ACSL1: variants seen among roughly 807,000 people sequenced by gnomAD.
The protein encoded by ACSL1 is long-chain-fatty-acid--CoA ligase 1.
A neutral mutation model predicts 98.4 loss-of-function variants in ACSL1; 41 were observed. That is an observed-to-expected ratio of 0.42 (90% CI 0.32 to 0.54). The LOEUF (loss-of-function observed/expected upper bound fraction) is 0.54. Ranked by LOEUF, ACSL1 falls within the 20% of genes least tolerant of loss-of-function variation. The pLI is 0.13. For synonymous variants in ACSL1, 316 were observed against 322.7 expected (o/e 0.98, Z 0.22); for missense variants, 734 against 883.1 (o/e 0.83, Z 2.14).
intron 17 of ACSL1, 58 bp from the exon 18 acceptor site, chr4:184,760,558 T>C: frequency 1.2e-6 from 2 of 1,601,710 alleles, no homozygotes; most frequent in Non-Finnish European, 1.7e-6. Context: ...CCAACCAGGA[T>C]GGATCCCAGT....
rs2150512014 is a variant in ACSL1, at chr4:184,825,299, T to C, written c.-33+617A>G. 4.2e-6 allele frequency: 4 copies of C among 963,726 alleles called. No individual in the cohort carries two copies. Among genetic ancestry groups the C allele is most frequent in the Non-Finnish European group, 4.9e-6 (4 of 810,202 alleles). 59.7% of individuals were successfully genotyped at this position (963,726 alleles called of 1,614,324 possible). On this transcript the variant is annotated intron_variant, in intron 1 of 20. Transcript: ENST00000281455. The surrounding 1 kb of genome is among the most constrained non-coding windows in gnomAD (Gnocchi z 4.7). Reference sequence around the variant, plus strand: ...AATTTCAAAAAATGCCAGCACTCCTTAGATCAATGACTCCACGGCCAAGTG... The same window carrying C: ...AATTTCAAAAAATGCCAGCACTCCTCAGATCAATGACTCCACGGCCAAGTG...
chr4:184,768,463 T>TG lies in ACSL1; in HGVS notation c.994-14dup. The TG allele has an allele frequency of 6.3e-7, 1 of 1,598,532 alleles. No homozygotes were observed. Among genetic ancestry groups the TG allele is most frequent in the Non-Finnish European group, 8.5e-7 (1 of 1,175,178 alleles). ...ACAGCATTACACACTATAGGGGTAA[T>TG]GGAAAAAACAAACATTTTATCACCA... On this transcript the variant is annotated splice_polypyrimidine_tract_variant and intron_variant, in intron 11 of 20. Transcript: ENST00000281455.
chr4:184,776,653 G>C lies in ACSL1; in HGVS notation c.587C>G (p.Ser196Cys), dbSNP rs1319664137. 1.9e-6 allele frequency: 3 copies of C among 1,610,846 alleles called. No individual in the cohort carries two copies. In the Admixed American group the frequency reaches 5.0e-5, roughly 27 times the overall value. The change falls in exon 7 of 21, where the codon TCT becomes TGT. Residue 196 changes from serine (S) to cysteine (C), a missense_variant. Coordinates refer to ENST00000281455, the MANE Select transcript of ACSL1 (RefSeq NM_001995.5). ...ITYIVNKAEL[S>C]LVFVDKPEKA... ...CTCTGGCTTGTCAACAAAAACCAGA[G>C]AGAGTTCAGCTGTAAATGAAGAGAT...
At chr4:184,823,689 G>A (rs747176374) in intron 1 of ACSL1, among the ~76,000 whole-genome samples, 3 of 152,188 alleles carry the variant, frequency 2.0e-5, no homozygotes, top group Admixed American at 6.5e-5. Context: ...AGAAAGTAGG[G>A]ACAGTTTTAC....
At chr4:184,813,314 T>C (rs1772306589) in intron 1 of ACSL1, among the ~76,000 whole-genome samples, 1 of 152,148 alleles carries the variant, frequency 6.6e-6, no homozygotes, top group Admixed American at 6.6e-5. Flanking sequence ...GCAACTGTTG[T>C]AGATATGTCA....
In ACSL1 at chr4:184,773,725, A is replaced by T. The variant is rs1265890414; in HGVS notation, c.790-11T>A. Reference sequence around the variant, plus strand: ...TTCAGGTGCTGGAGGCTAAAGATTAAAAAAAAAAAAAGCTGGTATAAATCA... The same window carrying T: ...TTCAGGTGCTGGAGGCTAAAGATTATAAAAAAAAAAAGCTGGTATAAATCA... On this transcript the variant is annotated splice_polypyrimidine_tract_variant and intron_variant, in intron 8 of 20. Transcript: ENST00000281455. This position sits in a 1 kb window ranked among gnomAD's most constrained non-coding sequence, Gnocchi z 4.3. 13 of 1,180,082 alleles carry T rather than the reference A, an allele frequency of 1.1e-5. No individual in the cohort carries two copies. Among genetic ancestry groups the T allele is most frequent in the Non-Finnish European group, 1.5e-5 (13 of 845,908 alleles). 73.1% of individuals were successfully genotyped at this position (1,180,082 alleles called of 1,614,324 possible).
chr4:184,826,580 G>C (rs1402458862), upstream of ACSL1: 4 of 152,348 alleles, frequency 2.6e-5, no homozygotes, highest in East Asian at 1.9e-4. Context: ...AGCTCGCGCC[G>C]GTGCAGGGGA....
rs568123430 is a variant in ACSL1 at position 184,776,068 on chromosome 4, G to A, written c.756+416C>T. ...TTGGAAATTCACCAAGACTCTCCAC[G>A]AGCCATCCAGGGAAAAGAACGATGA... On this transcript the variant is annotated intron_variant, in intron 7 of 20. Coordinates refer to ENST00000281455, the MANE Select transcript of ACSL1 (RefSeq NM_001995.5). Among the ~76,000 whole-genome samples, 5 of 152,260 alleles carry A rather than the reference G, an allele frequency of 3.3e-5. No individual in the cohort carries two copies. In the South Asian group the frequency reaches 8.3e-4, roughly 25 times the overall value.
chr4:184,801,737 C>T (rs376238693), intron 2 of ACSL1, among the ~76,000 whole-genome samples: 2 of 152,196 alleles, frequency 1.3e-5, no homozygotes, highest in Non-Finnish European at 2.9e-5. Context: ...AGCCTCTATA[C>T]TGGGCAGTAA....
chr4:184,764,144 A>G (rs1312546853), intron 15 of ACSL1, among the ~76,000 whole-genome samples: 1 of 152,246 alleles, frequency 6.6e-6, no homozygotes, highest in East Asian at 1.9e-4. Flanking sequence ...ACACAGAGGA[A>G]GCACAGAAGC....
chr4:184,796,928 T>C (rs1408728249), intron 2 of ACSL1, among the ~76,000 whole-genome samples: 1 of 152,220 alleles, frequency 6.6e-6, no homozygotes, highest in Non-Finnish European at 1.5e-5. Flanking sequence ...ACCTCCCACC[T>C]GGTTCAAAAT....
chr4:184,784,021 C>G (rs1766788043), intron 3 of ACSL1, 30 bp from the exon 4 acceptor site: 1 of 1,562,214 alleles, frequency 6.4e-7, no homozygotes, highest in African/African-American at 1.4e-5. Flanking sequence ...AACAGATGGG[C>G]TGAACGTACA....
chr4:184,776,181 T>C (rs1314690416), intron 7 of ACSL1, among the ~76,000 whole-genome samples: 1 of 152,220 alleles, frequency 6.6e-6, no homozygotes, highest in African/African-American at 2.4e-5. Context: ...AACTGAAAGT[T>C]CCACCTGCCT....
chr4:184,785,771 C>T (rs1767183530), intron 3 of ACSL1, among the ~76,000 whole-genome samples: 1 of 152,164 alleles, frequency 6.6e-6, no homozygotes, highest in Non-Finnish European at 1.5e-5. Context: ...AGTTATGTGA[C>T]TTGTCTTCAG....
At chr4:184,779,252 T>C (rs755771601) in intron 5 of ACSL1, among the ~76,000 whole-genome samples, 41 of 152,164 alleles carry the variant, frequency 2.7e-4, no homozygotes, top group Admixed American at 7.2e-4. Flanking sequence ...GTCTTTCCCA[T>C]GCTATTTTTG....
chr4:184,813,631 C>T lies in ACSL1; in HGVS notation c.-32-10085G>A, dbSNP rs186270739. 451 of 309,692 alleles carry T rather than the reference C, an allele frequency of 1.5e-3. 2 individuals are homozygous for T. Among genetic ancestry groups the T allele is most frequent in the Non-Finnish European group, 4.3e-4 (64 of 149,158 alleles). The allele number at this position is 309,692 out of a possible 1,614,324, so 19.2% of individuals were successfully genotyped here. A position where few individuals can be genotyped will look rare whatever the true frequency, so the allele number is the denominator to read the frequency against. On this transcript the variant is annotated intron_variant, in intron 1 of 20. Transcript: ENST00000281455. The stretch of plus-strand genomic sequence containing the variant: ...CTAAGGGTATTAGGCAAGACAAGCA[C>T]GGCCTGTTATTACGAAAGCTAAAGA...
At position 184,825,362 on chromosome 4, in the gene ACSL1, A is replaced by C; in HGVS notation, c.-33+554T>G. 1.9e-6 allele frequency: 1 copy of C among 534,028 alleles called. No individual in the cohort carries two copies. Among genetic ancestry groups the C allele is most frequent in the Non-Finnish European group, 2.4e-6 (1 of 417,732 alleles). The allele number at this position is 534,028 out of a possible 1,614,324, so 33.1% of individuals were successfully genotyped here. On this transcript the variant is annotated intron_variant, in intron 1 of 20. Coordinates refer to ENST00000281455, the MANE Select transcript of ACSL1 (RefSeq NM_001995.5). This position sits in a 1 kb window ranked among gnomAD's most constrained non-coding sequence, Gnocchi z 4.7. ...GCACTCCTCTGGAGTCACCGAGAGA[A>C]TGTCTGCCTCTGGCAGCGGCCTCTG...
intron 7 of ACSL1, 108 bp downstream of exon 7, chr4:184,776,376 G>T: frequency 1.6e-6 from 2 of 1,288,018 alleles, no homozygotes; most frequent in Non-Finnish European, 2.1e-6. Context: ...GAGGCAACCG[G>T]CCAGCGCTGG....
At chr4:184,816,485 AAGAC>A (rs764582805) in intron 1 of ACSL1, among the ~76,000 whole-genome samples, 31 of 152,286 alleles carry the variant, frequency 2.0e-4, no homozygotes, top group Non-Finnish European at 4.0e-4. Context: ...CAGTGTTTAA[AAGAC>A]AGAAAGAAAA....
Sources: allele counts gnomAD v4.1 joint callset (sites outside exome capture counted in the v4.1 genomes callset), GRCh38; gene constraint gnomAD v4.1.1; non-coding constraint Gnocchi (gnomAD v3.1); transcripts MANE v1.5; gene names NCBI Gene and HGNC (gene_info 2026-07-23, HGNC 2026-07-21).